The following AUTS2 variants were observed in gnomAD, a reference collection of about 807,000 sequenced individuals.
The protein encoded by AUTS2 is activator of transcription and developmental regulator AUTS2, also known as autism susceptibility gene 2 protein.
Under a neutral mutation model 112.4 loss-of-function variants are expected in AUTS2, and 17 were observed. That is an observed-to-expected ratio of 0.15 (90% CI 0.10 to 0.23). AUTS2 has a LOEUF of 0.23. Among genes scored for constraint, AUTS2 ranks in the 10% least tolerant of loss-of-function variants. The pLI, the probability that AUTS2 is intolerant of heterozygous loss-of-function variation, is 1.00. For synonymous variants in AUTS2, 751 were observed against 702.7 expected (o/e 1.07, Z -1.09); for missense variants, 1,510 against 1,701.6 (o/e 0.89, Z 1.98).
chr7:69,797,493 A>T (rs1584260317), intron 1 of AUTS2, among the ~76,000 whole-genome samples: 1 of 152,252 alleles, frequency 6.6e-6, no homozygotes, highest in South Asian at 2.1e-4. Flanking sequence ...TGTCCTTTTA[A>T]ATTCACATTA....
intron 2 of AUTS2, among the ~76,000 whole-genome samples, chr7:69,973,760 A>G (rs963818497): frequency 1.3e-5 from 2 of 152,126 alleles, no homozygotes; most frequent in East Asian, 1.9e-4. Flanking sequence ...ATATTGAACC[A>G]TTCTTGCAAG....
At chr7:70,324,280 T>C (rs906429383) in intron 4 of AUTS2, among the ~76,000 whole-genome samples, 7 of 152,190 alleles carry the variant, frequency 4.6e-5, no homozygotes, top group Non-Finnish European at 1.0e-4. Context: ...CTTATGAATG[T>C]TGTCAATCAC....
At chr7:69,898,630 C>G (rs1274427885) in intron 1 of AUTS2, among the ~76,000 whole-genome samples, 1 of 152,114 alleles carries the variant, frequency 6.6e-6, no homozygotes, top group East Asian at 1.9e-4. Context: ...CATTGATTTC[C>G]CATTTCCTAC....
At chr7:70,239,327 C>T (rs1181962430) in intron 4 of AUTS2, among the ~76,000 whole-genome samples, 1 of 152,134 alleles carries the variant, frequency 6.6e-6, no homozygotes, top group Non-Finnish European at 1.5e-5. Flanking sequence ...TTTTTCAGTT[C>T]TTTTCTTTAG....
intron 1 of AUTS2, among the ~76,000 whole-genome samples, chr7:69,798,115 G>A (rs937726761): frequency 6.6e-6 from 1 of 152,150 alleles, no homozygotes; most frequent in Non-Finnish European, 1.5e-5. Flanking sequence ...TGCGTGACAG[G>A]CATTTTCCAG....
chr7:70,716,971 T>C (rs546254284), intron 6 of AUTS2, among the ~76,000 whole-genome samples: 1 of 151,488 alleles, frequency 6.6e-6, no homozygotes, highest in South Asian at 2.1e-4. Context: ...ATAGTAGTTA[T>C]GGCTGGAAAT....
At chr7:70,395,115 TG>T (rs1794023461) in intron 4 of AUTS2, among the ~76,000 whole-genome samples, 1 of 151,762 alleles carries the variant, frequency 6.6e-6, no homozygotes, top group Non-Finnish European at 1.5e-5. Flanking sequence ...ACCACTGTGG[TG>T]GGGAAGGTGG....
intron 4 of AUTS2, among the ~76,000 whole-genome samples, chr7:70,140,099 C>G (rs1014087478): frequency 1.3e-5 from 2 of 152,100 alleles, no homozygotes; most frequent in Non-Finnish European, 2.9e-5. Flanking sequence ...TATAATATTT[C>G]TCTTTCAAAA....
At position 70,787,338 on chromosome 7, in the gene AUTS2, G is replaced by A. The variant is rs1183556876; in HGVS notation, c.2438G>A (p.Gly813Glu). The A allele has an allele frequency of 1.2e-6, 2 of 1,614,088 alleles. No homozygotes were observed. Among genetic ancestry groups the A allele is most frequent in the African/African-American group, 1.3e-5 (1 of 74,948 alleles). Reference sequence around the variant, plus strand: ...ACCCCTCCGCCCTGGCTGAAGCCAGGGGAGCTGGAGCGCAGCGCGTCCGCT... The same window carrying A: ...ACCCCTCCGCCCTGGCTGAAGCCAGAGGAGCTGGAGCGCAGCGCGTCCGCT... ...FPTPPPWLKP[G>E]ELERSASAAA... The change falls in exon 18 of 19, where the codon GGG (glycine) becomes GAG (glutamate). Residue 813 changes from glycine (G) to glutamate (E), a missense_variant. By Grantham distance (98) the Gly-to-Glu change is moderately conservative. This residue lies in a region of AUTS2 where 788 missense variants were observed against 797.6 expected (regional missense o/e 0.99). Transcript: ENST00000342771.
intron 4 of AUTS2, among the ~76,000 whole-genome samples, chr7:70,175,001 G>T (rs533230760): frequency 6.6e-6 from 1 of 152,078 alleles, no homozygotes; most frequent in Non-Finnish European, 1.5e-5. Context: ...TTTAGCCACC[G>T]TAATTAGTGA....
chr7:70,114,685 C>G (rs1003795905), intron 2 of AUTS2, among the ~76,000 whole-genome samples: 1 of 152,052 alleles, frequency 6.6e-6, no homozygotes, highest in African/African-American at 2.4e-5. Flanking sequence ...CCTGTAATCC[C>G]AGCTACTCAG....
chr7:69,970,084 C>G (rs1797788030), intron 2 of AUTS2, among the ~76,000 whole-genome samples: 1 of 152,106 alleles, frequency 6.6e-6, no homozygotes, highest in Non-Finnish European at 1.5e-5. Context: ...TTTTTAACCA[C>G]CACCACACTA....
intron 4 of AUTS2, among the ~76,000 whole-genome samples, chr7:70,210,898 CTT>C (rs1220018682): frequency 2.0e-5 from 3 of 152,136 alleles, no homozygotes; most frequent in Non-Finnish European, 4.4e-5. Flanking sequence ...AAACCTGTCT[CTT>C]GGGGTTTCTT....
In AUTS2 at chr7:70,791,701, C is replaced by T. The variant is rs1051931530; in HGVS notation, c.*705C>T. 2.0e-5 allele frequency: 3 copies of T among 152,478 alleles called. No homozygotes were observed. Among genetic ancestry groups the T allele is most frequent in the African/African-American group, 7.2e-5 (3 of 41,444 alleles). 9.4% of individuals were successfully genotyped at this position (152,478 alleles called of 1,614,324 possible). A position where few individuals can be genotyped will look rare whatever the true frequency, so the allele number is the denominator to read the frequency against. ...TAAGGTCATATTTTCCCTGAACAAG[C>T]GCTTACGTGATATGACTCTGTTTTC... On this transcript the variant is annotated 3_prime_UTR_variant, in exon 19 of 19. Transcript: ENST00000342771.
intron 4 of AUTS2, among the ~76,000 whole-genome samples, chr7:70,151,301 G>T (rs1048524206): frequency 1.3e-5 from 2 of 152,092 alleles, no homozygotes; most frequent in Non-Finnish European, 2.9e-5. Flanking sequence ...AGGATTAGAG[G>T]CAACAGTGCC....
chr7:69,972,741 T>C (rs1047850009), intron 2 of AUTS2, among the ~76,000 whole-genome samples: 2 of 151,894 alleles, frequency 1.3e-5, no homozygotes, highest in African/African-American at 4.8e-5. Flanking sequence ...GCACCACTTA[T>C]GGAAAAGACT....
At chr7:69,864,005 T>C (rs1361914233) in intron 1 of AUTS2, among the ~76,000 whole-genome samples, 1 of 152,198 alleles carries the variant, frequency 6.6e-6, no homozygotes, top group African/African-American at 2.4e-5. Flanking sequence ...ATGGTTCTGA[T>C]ACCAGGAAAT....
At chr7:70,377,051 T>C (rs1449286162) in intron 4 of AUTS2, among the ~76,000 whole-genome samples, 1 of 151,780 alleles carries the variant, frequency 6.6e-6, no homozygotes, top group Non-Finnish European at 1.5e-5. Flanking sequence ...TATTTGCTTT[T>C]TGCCTCAATT....
chr7:70,331,182 C>CT (rs1021078751), intron 4 of AUTS2, among the ~76,000 whole-genome samples: 1 of 151,878 alleles, frequency 6.6e-6, no homozygotes, highest in Non-Finnish European at 1.5e-5. Context: ...TGGTCCTGGG[C>CT]TTTTTTTGGT....
Sources: allele counts gnomAD v4.1 joint callset (sites outside exome capture counted in the v4.1 genomes callset), GRCh38; gene constraint gnomAD v4.1.1; regional missense constraint gnomAD v4.1.1; transcripts MANE v1.5; gene names NCBI Gene and HGNC (gene_info 2026-07-23, HGNC 2026-07-21).